RAB22A: variants seen among roughly 807,000 people sequenced by gnomAD.
RAB22A encodes ras-related protein Rab-22A.
RAB22A carries 13 observed loss-of-function variants against 30.2 expected under a neutral mutation model. The ratio of observed to expected loss-of-function variants is 0.43; its 90% confidence interval spans 0.28 to 0.68. The LOEUF (loss-of-function observed/expected upper bound fraction) is 0.68. Among genes scored for constraint, RAB22A ranks in the 30% least tolerant of loss-of-function variants. The probability of loss-of-function intolerance (pLI) is 0.18; values close to 1 mark genes in which losing one functional copy is unlikely to be tolerated. For missense variants in RAB22A, 177 were observed against 246.8 expected (o/e 0.72, Z 1.89); for synonymous variants, 89 against 87.2 (o/e 1.02, Z -0.11).
intron 2 of RAB22A, among the ~76,000 whole-genome samples, 193 bp downstream of exon 2, chr20:58,311,315 T>C (rs1471487749): frequency 6.6e-6 from 1 of 152,174 alleles, no homozygotes; most frequent in African/African-American, 2.4e-5. Context: ...TCGGACTTGT[T>C]GGGGGTGAGA....
At position 58,353,264 on chromosome 20, in the gene RAB22A, C is replaced by G; in HGVS notation, c.199-9C>G. 1 of 1,612,362 alleles carries G rather than the reference C, an allele frequency of 6.2e-7. No homozygotes were observed. Among genetic ancestry groups the G allele is most frequent in the Non-Finnish European group, 8.5e-7 (1 of 1,179,306 alleles). On this transcript the variant is annotated splice_polypyrimidine_tract_variant and intron_variant, in intron 3 of 6. Transcript: ENST00000244040. ...CCCAATTTTGTTTATTTTTCCCCCT[C>G]CTCTGCAGTTTCGTGCCTTAGCACC...
intron 2 of RAB22A, among the ~76,000 whole-genome samples, chr20:58,335,809 T>C (rs1261447041): frequency 1.3e-5 from 2 of 152,062 alleles, no homozygotes; most frequent in African/African-American, 2.4e-5. Context: ...ACACACAGAG[T>C]TGGCTGAACT....
intron 2 of RAB22A, among the ~76,000 whole-genome samples, chr20:58,342,406 A>G (rs946197395): frequency 2.6e-5 from 4 of 152,212 alleles, no homozygotes; most frequent in Non-Finnish European, 4.4e-5. Context: ...AAATATTGCC[A>G]GGAATTCATT....
rs1326593866 is a variant in RAB22A at position 58,309,745 on chromosome 20, G to A, written c.-232G>A. On this transcript the variant is annotated 5_prime_UTR_variant, in exon 1 of 7. Transcript: ENST00000244040. ...ACGCGGCCGGCGTCCCAAGATGGCG[G>A]CGGCGGCGGCTCCCGGAAGGCCGCG... The A allele has an allele frequency of 6.6e-5, 17 of 257,608 alleles. No homozygotes were observed. The highest frequency in any genetic ancestry group is 1.2e-4 in the Non-Finnish European group (17 of 138,014). The allele number at this position is 257,608 out of a possible 1,614,324, so 16.0% of individuals were successfully genotyped here.
chr20:58,338,492 A>T (rs553789204), intron 2 of RAB22A, among the ~76,000 whole-genome samples: 2 of 152,268 alleles, frequency 1.3e-5, no homozygotes, highest in East Asian at 3.9e-4. Context: ...TGCTTGGGAG[A>T]GATTACTATG....
chr20:58,338,485 T>C (rs1179055857), intron 2 of RAB22A, among the ~76,000 whole-genome samples: 1 of 152,196 alleles, frequency 6.6e-6, no homozygotes, highest in Non-Finnish European at 1.5e-5. Flanking sequence ...TATCGACTGC[T>C]TGGGAGAGAT....
intron 2 of RAB22A, 47 bp from the exon 3 acceptor site, chr20:58,343,671 C>T (rs548345990): frequency 2.3e-5 from 33 of 1,461,294 alleles, no homozygotes; most frequent in Middle Eastern, 1.8e-4. Context: ...GGGCTGGAAA[C>T]GTGCTTTACA....
chr20:58,319,613 A>G (rs1986413351), intron 2 of RAB22A, among the ~76,000 whole-genome samples: 1 of 152,214 alleles, frequency 6.6e-6, no homozygotes, highest in Non-Finnish European at 1.5e-5. Context: ...CTTGATTGGG[A>G]ACACATTGAA....
rs995594223 is a variant in RAB22A at position 58,309,895 on chromosome 20, G to A, written c.-82G>A. 6 of 1,215,768 alleles carry A rather than the reference G, an allele frequency of 4.9e-6. No individual in the cohort carries two copies. In the African/African-American group the frequency reaches 7.9e-5, roughly 16 times the overall value. The allele number at this position is 1,215,768 out of a possible 1,614,324, so 75.3% of individuals were successfully genotyped here. The stretch of plus-strand genomic sequence containing the variant: ...GGCTGGGCCGTGCGGCGGCAGCGGC[G>A]CCAGGGGATGCTCTTGCTGGGCCTG... On this transcript the variant is annotated 5_prime_UTR_variant, in exon 1 of 7. Transcript: ENST00000244040.
rs145089323 is a variant in RAB22A, at chr20:58,353,636, A to C, written c.377+98A>C. On this transcript the variant is annotated intron_variant, in intron 5 of 6. Transcript: ENST00000244040. ...GAATCTTGCTTTTATTTTATCTCTG[A>C]CATTGAAAAATTCCTTTTGGTTGTG... The C allele has an allele frequency of 3.6e-4, 385 of 1,072,300 alleles. 1 individual carries two copies. In the African/African-American group the frequency reaches 5.6e-3, roughly 16 times the overall value. The allele number at this position is 1,072,300 out of a possible 1,614,324, so 66.4% of individuals were successfully genotyped here. A position where few individuals can be genotyped will look rare whatever the true frequency, so the allele number is the denominator to read the frequency against.
chr20:58,341,117 T>C (rs1278413797), intron 2 of RAB22A, among the ~76,000 whole-genome samples: 1 of 152,160 alleles, frequency 6.6e-6, no homozygotes, highest in African/African-American at 2.4e-5. Flanking sequence ...AATTCGTCTG[T>C]TCTCTAGTTG....
At position 58,360,530 on chromosome 20, in the gene RAB22A, T is replaced by TG. The variant is rs397742495; in HGVS notation, c.*827_*828insG. ...GGTATAAATGCTGTCAATTTTTTTT[T>TG]AACCCAAGTATTTTGGTGGGGAAAA... On this transcript the variant is annotated 3_prime_UTR_variant, in exon 7 of 7. Coordinates refer to ENST00000244040, the MANE Select transcript of RAB22A (RefSeq NM_020673.3). 1 of 152,590 alleles carries TG rather than the reference T, an allele frequency of 6.6e-6. No individual in the cohort carries two copies. Among genetic ancestry groups the TG allele is most frequent in the African/African-American group, 2.4e-5 (1 of 41,426 alleles). 9.5% of individuals were successfully genotyped at this position (152,590 alleles called of 1,614,324 possible).
At chr20:58,327,417 A>G (rs776443656) in intron 2 of RAB22A, among the ~76,000 whole-genome samples, 4 of 152,258 alleles carry the variant, frequency 2.6e-5, no homozygotes, top group Non-Finnish European at 4.4e-5. Flanking sequence ...ATCCTCTTCC[A>G]GCAAGGCTCA....
chr20:58,351,115 A>G (rs1345465814), intron 3 of RAB22A, among the ~76,000 whole-genome samples: 1 of 151,966 alleles, frequency 6.6e-6, no homozygotes, highest in Non-Finnish European at 1.5e-5. Flanking sequence ...CACGACAGGT[A>G]GATTTGAGGC....
chr20:58,347,210 A>G (rs1027113205), intron 3 of RAB22A, among the ~76,000 whole-genome samples: 2 of 152,210 alleles, frequency 1.3e-5, no homozygotes, highest in Non-Finnish European at 2.9e-5. Context: ...CCCATTTGAC[A>G]TCTTGTACTG....
chr20:58,347,392 A>T (rs1466941070), intron 3 of RAB22A, among the ~76,000 whole-genome samples: 1 of 152,232 alleles, frequency 6.6e-6, no homozygotes, highest in Non-Finnish European at 1.5e-5. Flanking sequence ...ACTGCTCAGG[A>T]TGATGATATA....
At chr20:58,342,197 G>C (rs1425144669) in intron 2 of RAB22A, among the ~76,000 whole-genome samples, 1 of 152,138 alleles carries the variant, frequency 6.6e-6, no homozygotes, top group African/African-American at 2.4e-5. Flanking sequence ...GTCACCAAAA[G>C]TTCTTGATAC....
chr20:58,335,801 A>G (rs1036822402), intron 2 of RAB22A, among the ~76,000 whole-genome samples: 1 of 152,262 alleles, frequency 6.6e-6, no homozygotes, highest in African/African-American at 2.4e-5. Flanking sequence ...AGTTCATCAC[A>G]CACAGAGTTG....
At position 58,361,267 on chromosome 20, in the gene RAB22A, A is replaced by G. The variant is rs914154884; in HGVS notation, c.*1564A>G. 6.6e-6 allele frequency: 1 copy of G among 152,640 alleles called. No individual in the cohort carries two copies. Among genetic ancestry groups the G allele is most frequent in the Non-Finnish European group, 1.5e-5 (1 of 68,048 alleles). 9.5% of individuals were successfully genotyped at this position (152,640 alleles called of 1,614,324 possible). On this transcript the variant is annotated 3_prime_UTR_variant, in exon 7 of 7. Transcript: ENST00000244040. Reference sequence around the variant, plus strand: ...ATTGTATTTTCAGAGCTATCCTGAAACTGAACAGCTGAAACTTTAAAAAAT... The same window carrying G: ...ATTGTATTTTCAGAGCTATCCTGAAGCTGAACAGCTGAAACTTTAAAAAAT...
Sources: allele counts gnomAD v4.1 joint callset (sites outside exome capture counted in the v4.1 genomes callset), GRCh38; gene constraint gnomAD v4.1.1; transcripts MANE v1.5; gene names NCBI Gene and HGNC (gene_info 2026-07-23, HGNC 2026-07-21).